Variants in SPAG9 observed in about 807,000 individuals in gnomAD.
The protein encoded by SPAG9 is sperm associated antigen 9, also known as C-Jun-amino-terminal kinase-interacting protein 4.
Under a neutral mutation model 166.5 loss-of-function variants are expected in SPAG9, and 35 were observed. The observed-to-expected ratio is 0.21, with a 90% confidence interval of 0.16 to 0.28. The LOEUF is 0.28. Ranked by LOEUF, SPAG9 falls within the 10% of genes least tolerant of loss-of-function variation. The pLI, the probability that SPAG9 is intolerant of heterozygous loss-of-function variation, is 1.00. For missense variants in SPAG9, 1,235 were observed against 1,603.3 expected, an observed-to-expected ratio of 0.77 and a Z score of 3.92; for synonymous variants, 534 against 565.5, an observed-to-expected ratio of 0.94 and a Z score of 0.79.
intron 24 of SPAG9, among the ~76,000 whole-genome samples, chr17:50,983,677 TTACCAAA>T (rs1218883261): frequency 1.3e-5 from 2 of 152,228 alleles, no homozygotes; most frequent in African/African-American, 2.4e-5. Flanking sequence ...TGAATTCAAT[TTACCAAA>T]ACATGCATTG....
intron 3 of SPAG9, among the ~76,000 whole-genome samples, chr17:51,056,051 T>C (rs2144518016): frequency 6.6e-6 from 1 of 152,284 alleles, no homozygotes; most frequent in East Asian, 1.9e-4. Context: ...AACTTACCAA[T>C]CCATAATTTC....
At chr17:50,980,524 C>A (rs764013267) in intron 25 of SPAG9, among the ~76,000 whole-genome samples, 32 of 150,892 alleles carry the variant, frequency 2.1e-4, no homozygotes, top group Non-Finnish European at 3.4e-4. Context: ...GATTTTATCT[C>A]CGGATTTTGT....
chr17:51,011,940 AAAG>A (rs1403671899), intron 9 of SPAG9, among the ~76,000 whole-genome samples: 20 of 152,338 alleles, frequency 1.3e-4, no homozygotes, highest in African/African-American at 4.8e-4. Context: ...CTTCATAAGA[AAAG>A]AAAGTTTGGG....
intron 1 of SPAG9, among the ~76,000 whole-genome samples, chr17:51,086,125 A>C (rs2048300390): frequency 6.6e-6 from 1 of 151,770 alleles, no homozygotes; most frequent in African/African-American, 2.4e-5. Flanking sequence ...TGAATCAGGC[A>C]TGCATCACCA....
chr17:51,010,767 A>C (rs2045448750), intron 9 of SPAG9, among the ~76,000 whole-genome samples: 1 of 151,866 alleles, frequency 6.6e-6, no homozygotes, highest in Non-Finnish European at 1.5e-5. Context: ...AAAGATAACA[A>C]ACTGAGCTTT....
Position 50,990,544 on chromosome 17 carries a change from G to A in SPAG9, c.2523C>T (p.Gly841=), listed in dbSNP as rs960639505. 1.6e-5 allele frequency: 26 copies of A among 1,614,040 alleles called. No homozygotes were observed. The African/African-American group carries it at 2.4e-4, about 15-fold the overall frequency. ...CTGCAGAACAACCAACCACTGTGATGCCTCCTAACAGGCTGTCTGTCTCTG... is the reference window on the plus strand; with the variant it reads ...CTGCAGAACAACCAACCACTGTGATACCTCCTAACAGGCTGTCTGTCTCTG... ...SSAETDSLLG[G]ITVVGCSAEG... The change falls in exon 20 of 30, where the codon GGC becomes GGT. Residue 841 remains glycine (G), a synonymous_variant. Coordinates refer to ENST00000262013, the MANE Select transcript of SPAG9 (RefSeq NM_001130528.3).
intron 4 of SPAG9, 118 bp downstream of exon 4, chr17:51,047,257 T>A (rs1598080729): frequency 1.6e-6 from 1 of 619,700 alleles, no homozygotes; most frequent in East Asian, 2.9e-5. Flanking sequence ...CCAACCACAG[T>A]GGAGAGCTTT....
intron 6 of SPAG9, among the ~76,000 whole-genome samples, chr17:51,021,696 C>T (rs1219981399): frequency 6.6e-6 from 1 of 152,180 alleles, no homozygotes; most frequent in East Asian, 1.9e-4. Context: ...GTAATAAAGA[C>T]CTACTTTAGA....
intron 1 of SPAG9, among the ~76,000 whole-genome samples, chr17:51,117,344 T>C (rs540990338): frequency 1.3e-5 from 2 of 152,284 alleles, no homozygotes; most frequent in South Asian, 2.1e-4. Flanking sequence ...ATAATTTCCA[T>C]GCTTTCAAAT....
chr17:51,108,349 T>C (rs2049011911), intron 1 of SPAG9, among the ~76,000 whole-genome samples: 1 of 139,362 alleles, frequency 7.2e-6, no homozygotes, highest in East Asian at 2.1e-4. Context: ...ATTGCACCAC[T>C]ACACTCCAGC....
chr17:51,038,386 C>T (rs2046702342), intron 5 of SPAG9, among the ~76,000 whole-genome samples: 1 of 152,118 alleles, frequency 6.6e-6, no homozygotes, highest in South Asian at 2.1e-4. Context: ...TGAAGAAAAT[C>T]AGTGTGTGTT....
chr17:51,111,137 C>G (rs1363022366), intron 1 of SPAG9, among the ~76,000 whole-genome samples: 1 of 151,382 alleles, frequency 6.6e-6, no homozygotes, highest in African/African-American at 2.4e-5. Context: ...GAAAAGAAAA[C>G]ACAGTGCTAT....
At chr17:51,006,308 A>T (rs2045217276) in intron 10 of SPAG9, 71 bp from the exon 11 acceptor site, 1 of 1,416,316 alleles carries the variant, frequency 7.1e-7, no homozygotes, top group Non-Finnish European at 9.8e-7. Context: ...ATTCCTTTGT[A>T]GACTAAACTG....
intron 2 of SPAG9, among the ~76,000 whole-genome samples, chr17:51,064,266 T>C (rs2047600011): frequency 6.6e-6 from 1 of 152,204 alleles, no homozygotes; most frequent in African/African-American, 2.4e-5. Context: ...ACCACAGCAT[T>C]GTAAAGATGG....
intron 1 of SPAG9, among the ~76,000 whole-genome samples, chr17:51,083,138 G>A (rs1347072793): frequency 6.6e-6 from 1 of 152,058 alleles, no homozygotes; most frequent in Non-Finnish European, 1.5e-5. Context: ...AGGATTCCTG[G>A]AGCCAGAATT....
chr17:51,017,519 TGAGAGAGAGAGAGA>T (rs60839678), intron 8 of SPAG9, among the ~76,000 whole-genome samples: 1 of 147,354 alleles, frequency 6.8e-6, no homozygotes, highest in African/African-American at 2.5e-5. Flanking sequence ...AGAACCTGTC[TGAGAGAGAGAGAGA>T]GAGAGAGAGA....
At chr17:51,021,415 T>A in intron 6 of SPAG9, 50 bp from the exon 7 acceptor site, 2 of 1,375,664 alleles carry the variant, frequency 1.5e-6, no homozygotes, top group Non-Finnish European at 2.0e-6. Flanking sequence ...GAATTTACTC[T>A]AAACCACATT....
chr17:51,094,399 C>T (rs538464655), intron 1 of SPAG9, among the ~76,000 whole-genome samples: 2 of 152,114 alleles, frequency 1.3e-5, no homozygotes, highest in African/African-American at 4.8e-5. Flanking sequence ...TACTCAGAGA[C>T]CAAAGAAAAG....
intron 1 of SPAG9, among the ~76,000 whole-genome samples, chr17:51,102,061 C>T (rs984210766): frequency 2.6e-5 from 4 of 152,026 alleles, no homozygotes; most frequent in Non-Finnish European, 5.9e-5. Context: ...ATCTGTTACT[C>T]TAAGGTACTG....
Sources: allele counts gnomAD v4.1 joint callset (sites outside exome capture counted in the v4.1 genomes callset), GRCh38; gene constraint gnomAD v4.1.1; transcripts MANE v1.5; gene names NCBI Gene and HGNC (gene_info 2026-07-23, HGNC 2026-07-21).